Variants in NRXN1 observed in about 807,000 individuals in gnomAD.
NRXN1 encodes neurexin-1.
In NRXN1, 39 loss-of-function variants were observed where a neutral mutation model predicts 150.9. That is an observed-to-expected ratio of 0.26 (90% confidence interval 0.20 to 0.34). The LOEUF is 0.34. Among genes scored for constraint, NRXN1 ranks in the 10% least tolerant of loss-of-function variants. NRXN1 has a pLI of 1.00. For synonymous variants in NRXN1, 924 were observed against 757.0 expected (o/e 1.22, Z -3.62); for missense variants, 1,815 against 1,949.9 (o/e 0.93, Z 1.30).
At chr2:51,009,614 C>A (rs1667547502) in intron 2 of NRXN1, among the ~76,000 whole-genome samples, 1 of 151,810 alleles carries the variant, frequency 6.6e-6, no homozygotes, top group Non-Finnish European at 1.5e-5. Flanking sequence ...TGAAGTAGAG[C>A]AGGAAAGTTG....
intron 21 of NRXN1, among the ~76,000 whole-genome samples, chr2:49,992,396 A>AC (rs397813804): frequency 1.4e-5 from 2 of 138,084 alleles, no homozygotes; most frequent in Admixed American, 1.5e-4. Context: ...CAAAAAAAAA[A>AC]CACCCCAAAA....
At chr2:50,434,200 G>A (rs551226934) in intron 17 of NRXN1, among the ~76,000 whole-genome samples, 3 of 151,340 alleles carry the variant, frequency 2.0e-5, no homozygotes, top group Non-Finnish European at 2.9e-5. Flanking sequence ...GCTGGGACTA[G>A]AGGCGCCCGC....
intron 5 of NRXN1, among the ~76,000 whole-genome samples, chr2:50,713,847 G>T (rs922723552): frequency 3.3e-5 from 5 of 152,014 alleles, no homozygotes; most frequent in African/African-American, 1.2e-4. Flanking sequence ...ATAGGATCCT[G>T]GTCTTCTTTG....
intron 2 of NRXN1, among the ~76,000 whole-genome samples, chr2:51,022,056 AGGCAGG>A (rs1440825684): frequency 1.3e-5 from 2 of 152,196 alleles, no homozygotes; most frequent in East Asian, 3.9e-4. Flanking sequence ...CTGAAACTTT[AGGCAGG>A]TAATGGATCA....
intron 21 of NRXN1, among the ~76,000 whole-genome samples, chr2:50,006,799 C>T (rs1021631335): frequency 1.3e-5 from 2 of 152,130 alleles, no homozygotes; most frequent in African/African-American, 4.8e-5. Context: ...AAATCCCCCT[C>T]TCTGCAGGGA....
At chr2:50,041,768 T>G (rs923813880) in intron 21 of NRXN1, among the ~76,000 whole-genome samples, 2 of 152,198 alleles carry the variant, frequency 1.3e-5, no homozygotes, top group Admixed American at 6.5e-5. Flanking sequence ...GTCTAAACAA[T>G]GTCAGTGATA....
chr2:50,751,634 C>A (rs1010227352), intron 5 of NRXN1, among the ~76,000 whole-genome samples: 1 of 151,882 alleles, frequency 6.6e-6, no homozygotes. Flanking sequence ...CTGGGGCGTG[C>A]AAGACTGTGA....
intron 2 of NRXN1, among the ~76,000 whole-genome samples, chr2:50,938,301 T>A (rs909260349): frequency 1.3e-5 from 2 of 152,180 alleles, no homozygotes; most frequent in Non-Finnish European, 1.5e-5. Flanking sequence ...TCACTAGGCA[T>A]TTTTCAGGTC....
intron 5 of NRXN1, among the ~76,000 whole-genome samples, chr2:50,906,835 TTGGATTACATG>T (rs1467747253): frequency 6.6e-6 from 1 of 151,938 alleles, no homozygotes; most frequent in Non-Finnish European, 1.5e-5. Flanking sequence ...TGTGAATAGG[TTGGATTACATG>T]TGGATTACAT....
chr2:50,361,466 C>T (rs1004870092), intron 17 of NRXN1, among the ~76,000 whole-genome samples: 7 of 152,130 alleles, frequency 4.6e-5, no homozygotes, highest in African/African-American at 1.7e-4. Flanking sequence ...AAACTACCAT[C>T]AAAGAACACT....
intron 17 of NRXN1, among the ~76,000 whole-genome samples, chr2:50,255,550 G>T (rs2067617276): frequency 6.6e-6 from 1 of 152,054 alleles, no homozygotes; most frequent in Non-Finnish European, 1.5e-5. Context: ...GAACACTCAG[G>T]TCCCCAATCT....
intron 18 of NRXN1, among the ~76,000 whole-genome samples, chr2:50,226,861 T>C (rs1461335524): frequency 2.0e-5 from 3 of 152,080 alleles, no homozygotes; most frequent in African/African-American, 4.8e-5. Flanking sequence ...CACCGACCTA[T>C]TGCCATTGAA....
At chr2:50,486,593 C>T (rs2090892447) in intron 15 of NRXN1, among the ~76,000 whole-genome samples, 1 of 151,972 alleles carries the variant, frequency 6.6e-6, no homozygotes, top group Non-Finnish European at 1.5e-5. Flanking sequence ...TTTACAGTCC[C>T]AGAACTCTAA....
intron 18 of NRXN1, among the ~76,000 whole-genome samples, chr2:50,112,238 C>T (rs553237277): frequency 6.6e-6 from 1 of 152,296 alleles, no homozygotes. Flanking sequence ...CAAAATACTC[C>T]TACCTCTGCT....
chr2:50,704,230 T>C (rs1694136114), intron 5 of NRXN1, among the ~76,000 whole-genome samples: 1 of 152,084 alleles, frequency 6.6e-6, no homozygotes, highest in Admixed American at 6.6e-5. Context: ...TTGATACTAA[T>C]CCAAATATAG....
At chr2:50,273,758 A>G (rs966935514) in intron 17 of NRXN1, among the ~76,000 whole-genome samples, 26 of 152,264 alleles carry the variant, frequency 1.7e-4, no homozygotes, top group Non-Finnish European at 3.1e-4. Flanking sequence ...TTATGCAGCC[A>G]AAAAACATAT....
At chr2:50,446,912 A>T (rs1398891285) in intron 17 of NRXN1, among the ~76,000 whole-genome samples, 1 of 152,120 alleles carries the variant, frequency 6.6e-6, no homozygotes, top group African/African-American at 2.4e-5. Context: ...GCCTTGTCTG[A>T]TTTGAGGGAA....
At chr2:50,657,463 G>A (rs1246985995) in intron 5 of NRXN1, among the ~76,000 whole-genome samples, 1 of 151,940 alleles carries the variant, frequency 6.6e-6, no homozygotes, top group African/African-American at 2.4e-5. Context: ...TCCTACAGTA[G>A]AATATGAGTG....
At chr2:50,459,585 C>T (rs2087948829) in intron 17 of NRXN1, among the ~76,000 whole-genome samples, 1 of 152,100 alleles carries the variant, frequency 6.6e-6, no homozygotes, top group Non-Finnish European at 1.5e-5. Flanking sequence ...TTCCTGCATT[C>T]ATTTGCTAAG....
Sources: allele counts gnomAD v4.1 joint callset (sites outside exome capture counted in the v4.1 genomes callset), GRCh38; gene constraint gnomAD v4.1.1; transcripts MANE v1.5; gene names NCBI Gene and HGNC (gene_info 2026-07-23, HGNC 2026-07-21).